GPC6: variants seen among roughly 807,000 people sequenced by gnomAD.
GPC6 encodes the protein glypican-6.
A neutral mutation model predicts 55.2 loss-of-function variants in GPC6; 14 were observed. The ratio of observed to expected loss-of-function variants is 0.25; its 90% CI spans 0.17 to 0.40. GPC6 has a LOEUF of 0.40. GPC6 is among the 10% of genes least tolerant of loss of function. The pLI is 1.00. For synonymous variants in GPC6, 278 were observed against 259.6 expected, an observed-to-expected ratio of 1.07 and a Z score of -0.68; for missense variants, 641 against 708.5, an observed-to-expected ratio of 0.90 and a Z score of 1.08.
intron 4 of GPC6, among the ~76,000 whole-genome samples, chr13:94,184,542 T>A (rs1314032089): frequency 6.6e-6 from 1 of 152,078 alleles, no homozygotes; most frequent in African/African-American, 2.4e-5. Context: ...GAAAAAATGC[T>A]CATCATCACT....
chr13:93,360,936 G>A (rs982574312), intron 1 of GPC6, among the ~76,000 whole-genome samples: 1 of 152,098 alleles, frequency 6.6e-6, no homozygotes, highest in Non-Finnish European at 1.5e-5. Flanking sequence ...GAGTTCTAGG[G>A]TATGGGCCTC....
intron 7 of GPC6, among the ~76,000 whole-genome samples, chr13:94,392,027 A>G (rs1286777511): frequency 6.6e-6 from 1 of 152,106 alleles, no homozygotes; most frequent in Non-Finnish European, 1.5e-5. Context: ...ACCATATTTT[A>G]TTTCTCCATT....
At chr13:93,905,294 C>T (rs941977451) in intron 3 of GPC6, among the ~76,000 whole-genome samples, 8 of 151,986 alleles carry the variant, frequency 5.3e-5, no homozygotes, top group Admixed American at 5.2e-4. Flanking sequence ...AGTAGTTTAA[C>T]CTTAGTAAAC....
rs758499345 is a variant in GPC6, at chr13:94,027,712, T to C, written c.712-17T>C. 9 of 1,612,714 alleles carry C rather than the reference T, an allele frequency of 5.6e-6. No individual in the cohort carries two copies. The highest frequency in any genetic ancestry group is 7.6e-6 in the Non-Finnish European group (9 of 1,178,708). On this transcript the variant is annotated splice_polypyrimidine_tract_variant and intron_variant, in intron 3 of 8. Transcript: ENST00000377047. ...TTCTTATTTTTGATTTTCTTTTTCT[T>C]TGCAATAAATCTGCAGGTCAGCCCA...
chr13:94,162,108 G>A (rs150397924), intron 4 of GPC6, among the ~76,000 whole-genome samples: 4,741 of 152,246 alleles, frequency 0.031, 236 homozygotes, highest in African/African-American at 0.097. Context: ...GATGAGATTT[G>A]GGTGGGGACA....
At chr13:93,792,613 G>T (rs1292141187) in intron 2 of GPC6, among the ~76,000 whole-genome samples, 1 of 152,106 alleles carries the variant, frequency 6.6e-6, no homozygotes, top group Non-Finnish European at 1.5e-5. Flanking sequence ...ACCCAGCCCA[G>T]GTCTATAGGA....
chr13:93,549,077 G>T (rs756881104), intron 2 of GPC6, among the ~76,000 whole-genome samples: 9 of 152,084 alleles, frequency 5.9e-5, no homozygotes, highest in Non-Finnish European at 1.2e-4. Flanking sequence ...CCTGAACTAT[G>T]CAGGGATGTT....
intron 2 of GPC6, among the ~76,000 whole-genome samples, chr13:93,612,365 G>A (rs1878508878): frequency 6.6e-6 from 1 of 152,084 alleles, no homozygotes; most frequent in Non-Finnish European, 1.5e-5. Context: ...CGAGCATGGT[G>A]GCACGTACCT....
At chr13:94,024,016 G>A (rs1055046561) in intron 3 of GPC6, among the ~76,000 whole-genome samples, 1 of 151,932 alleles carries the variant, frequency 6.6e-6, no homozygotes, top group Admixed American at 6.6e-5. Flanking sequence ...TTCTTTTATG[G>A]TGATAGAACA....
At chr13:94,369,509 C>T (rs969943346) in intron 6 of GPC6, among the ~76,000 whole-genome samples, 2 of 152,182 alleles carry the variant, frequency 1.3e-5, no homozygotes, top group African/African-American at 4.8e-5. Context: ...AACAGGTCAC[C>T]TCCTTAGAAA....
chr13:93,456,531 T>C (rs1186095568), intron 1 of GPC6, among the ~76,000 whole-genome samples: 1 of 151,886 alleles, frequency 6.6e-6, no homozygotes, highest in African/African-American at 2.4e-5. Context: ...CAATAGATAG[T>C]TGTATTAGAA....
intron 2 of GPC6, among the ~76,000 whole-genome samples, chr13:93,572,876 A>G (rs566758034): frequency 2.0e-4 from 31 of 152,258 alleles, no homozygotes; most frequent in Admixed American, 1.4e-3. Context: ...TCTCATGACT[A>G]TAGAAGAAGA....
Position 94,155,149 on chromosome 13 carries a change from A to G in GPC6, c.877+127255A>G, listed in dbSNP as rs150179161. 1.1e-3 allele frequency among the ~76,000 whole-genome samples: 162 copies of G among 152,098 alleles called. 4 individuals are homozygous for G. The highest frequency in any genetic ancestry group is 3.6e-3 in the African/African-American group (150 of 41,496). On this transcript the variant is annotated intron_variant, in intron 4 of 8. Coordinates refer to ENST00000377047, the MANE Select transcript of GPC6 (RefSeq NM_005708.5). ...CTCCTGATGCCACTTCCACAAATCC[A>G]CCTACCTACAAGGCATTTTTGGTGG...
At chr13:93,294,750 C>A (rs1878427406) in intron 1 of GPC6, among the ~76,000 whole-genome samples, 1 of 152,106 alleles carries the variant, frequency 6.6e-6, no homozygotes, top group Non-Finnish European at 1.5e-5. Flanking sequence ...TCCGAGAGTT[C>A]TATCTAATGT....
intron 3 of GPC6, among the ~76,000 whole-genome samples, chr13:93,840,679 C>T (rs1344263583): frequency 6.6e-6 from 1 of 152,044 alleles, no homozygotes; most frequent in Non-Finnish European, 1.5e-5. Flanking sequence ...TTTCAGAAAA[C>T]TCATTATGAT....
At chr13:94,293,763 G>A (rs369365098) in intron 5 of GPC6, among the ~76,000 whole-genome samples, 37 of 152,144 alleles carry the variant, frequency 2.4e-4, no homozygotes, top group East Asian at 1.9e-3. Context: ...CAAACAAGTG[G>A]TGTAACGGGG....
chr13:93,752,239 T>C (rs1048130028), intron 2 of GPC6, among the ~76,000 whole-genome samples: 2 of 152,024 alleles, frequency 1.3e-5, no homozygotes, highest in Admixed American at 6.6e-5. Flanking sequence ...AAATACGGTA[T>C]GGAGGAGTTA....
intron 4 of GPC6, among the ~76,000 whole-genome samples, chr13:94,070,276 C>T (rs1262742627): frequency 6.6e-6 from 1 of 152,272 alleles, no homozygotes; most frequent in East Asian, 1.9e-4. Context: ...AAAGACCCAC[C>T]TCCATGACTG....
At chr13:93,234,886 A>G (rs893677933) in intron 1 of GPC6, among the ~76,000 whole-genome samples, 1 of 152,148 alleles carries the variant, frequency 6.6e-6, no homozygotes, top group African/African-American at 2.4e-5. Flanking sequence ...AGTGTCACTG[A>G]GAGAAAGAGA....
Sources: allele counts gnomAD v4.1 joint callset (sites outside exome capture counted in the v4.1 genomes callset), GRCh38; gene constraint gnomAD v4.1.1; transcripts MANE v1.5; gene names NCBI Gene and HGNC (gene_info 2026-07-23, HGNC 2026-07-21).